Variants in SLC25A13 observed in about 807,000 individuals in gnomAD.
SLC25A13 encodes the protein solute carrier family 25 member 13, also known as electrogenic aspartate/glutamate antiporter SLC25A13, mitochondrial.
In SLC25A13, 70 loss-of-function variants were observed where a neutral mutation model predicts 85.5. The ratio of observed to expected loss-of-function variants is 0.82; its 90% CI spans 0.68 to 1.00. The LOEUF is 1.00. SLC25A13 is among the 50% of genes least tolerant of loss of function. The pLI is 0.00. For missense variants in SLC25A13, 765 were observed against 819.8 expected (o/e 0.93, Z 0.82); for synonymous variants, 259 against 288.7 (o/e 0.90, Z 1.04).
rs75250562 is a variant in SLC25A13, at chr7:96,198,828, T to C, written c.469-5645A>G. 8.0e-3 allele frequency among the ~76,000 whole-genome samples: 1,221 copies of C among 152,262 alleles called. 20 individuals carry two copies. The highest frequency in any genetic ancestry group is 0.028 in the African/African-American group (1,178 of 41,548). On this transcript the variant is annotated intron_variant, in intron 5 of 17. Coordinates refer to ENST00000265631, the MANE Select transcript of SLC25A13 (RefSeq NM_014251.3). ...TCTCAAAAATCCACATTTTGAATGATGGGGAAGATACTCTACCACAAAGGA... is the reference window on the plus strand; with the variant it reads ...TCTCAAAAATCCACATTTTGAATGACGGGGAAGATACTCTACCACAAAGGA...
intron 5 of SLC25A13, among the ~76,000 whole-genome samples, chr7:96,204,948 G>A (rs753397608): frequency 4.6e-5 from 7 of 152,014 alleles, no homozygotes; most frequent in Non-Finnish European, 5.9e-5. Context: ...TTGCTCTGTT[G>A]CTCAGGCTGG....
At chr7:96,281,604 G>C (rs1453218864) in intron 2 of SLC25A13, among the ~76,000 whole-genome samples, 1 of 152,050 alleles carries the variant, frequency 6.6e-6, no homozygotes, top group Non-Finnish European at 1.5e-5. Flanking sequence ...TGATCAGAAG[G>C]GGCATCAGAG....
chr7:96,228,619 G>A (rs1177969798), intron 4 of SLC25A13, among the ~76,000 whole-genome samples: 1 of 152,200 alleles, frequency 6.6e-6, no homozygotes, highest in Non-Finnish European at 1.5e-5. Context: ...CACACTTGAG[G>A]AGCCCTTCAG....
chr7:96,138,488 T>C (rs1792386008), intron 14 of SLC25A13, among the ~76,000 whole-genome samples: 1 of 151,360 alleles, frequency 6.6e-6, no homozygotes, highest in South Asian at 2.1e-4. Flanking sequence ...CTTGACCCCC[T>C]GGGCTCAAGT....
chr7:96,281,686 G>A (rs1053046807), intron 2 of SLC25A13, among the ~76,000 whole-genome samples: 1 of 152,134 alleles, frequency 6.6e-6, no homozygotes, highest in Non-Finnish European at 1.5e-5. Context: ...TGTGATGTAT[G>A]CATTCAATTT....
chr7:96,219,760 C>T, intron 4 of SLC25A13: 1 of 534,004 alleles, frequency 1.9e-6, no homozygotes, highest in Non-Finnish European at 3.8e-6. Flanking sequence ...GATAAGACTC[C>T]CTCCTCCTCT....
intron 4 of SLC25A13, among the ~76,000 whole-genome samples, chr7:96,231,055 GA>G (rs1335970828): frequency 2.6e-5 from 4 of 152,124 alleles, no homozygotes; most frequent in Non-Finnish European, 4.4e-5. Flanking sequence ...AGGTTGCAGT[GA>G]GCCGAGATCA....
intron 2 of SLC25A13, among the ~76,000 whole-genome samples, chr7:96,279,478 C>T (rs1798584624): frequency 1.3e-5 from 2 of 152,168 alleles, no homozygotes; most frequent in Admixed American, 1.3e-4. Context: ...AGCAAAGTCA[C>T]ATCTTAACAT....
At chr7:96,259,904 G>A (rs1229011127) in intron 3 of SLC25A13, among the ~76,000 whole-genome samples, 1 of 152,068 alleles carries the variant, frequency 6.6e-6, no homozygotes, top group Non-Finnish European at 1.5e-5. Context: ...GTCCTTTGCA[G>A]GGACATGGAT....
chr7:96,297,784 T>TAA (rs1386714647), intron 1 of SLC25A13, among the ~76,000 whole-genome samples: 1 of 152,222 alleles, frequency 6.6e-6, no homozygotes, highest in Non-Finnish European at 1.5e-5. Context: ...AGTTTTTAAT[T>TAA]AATAAATCAT....
chr7:96,169,319 TA>T (rs1028705004), intron 13 of SLC25A13, among the ~76,000 whole-genome samples: 8 of 151,990 alleles, frequency 5.3e-5, no homozygotes, highest in Admixed American at 6.6e-5. Flanking sequence ...TAGGTTCGGA[TA>T]AAAAAAACCA....
chr7:96,312,237 T>C (rs1799975911), intron 1 of SLC25A13, among the ~76,000 whole-genome samples: 2 of 152,180 alleles, frequency 1.3e-5, no homozygotes, highest in African/African-American at 4.8e-5. Flanking sequence ...GTAATCTCTC[T>C]GTACCTCAAA....
intron 3 of SLC25A13, among the ~76,000 whole-genome samples, chr7:96,259,284 A>G (rs1797756934): frequency 6.6e-6 from 1 of 152,220 alleles, no homozygotes; most frequent in Admixed American, 6.5e-5. Flanking sequence ...CAACCTACAG[A>G]ATGGGAGAAA....
chr7:96,207,956 C>T (rs1007096203), intron 5 of SLC25A13, among the ~76,000 whole-genome samples: 1 of 151,796 alleles, frequency 6.6e-6, no homozygotes, highest in Non-Finnish European at 1.5e-5. Context: ...CTTTAAATAG[C>T]CCTCAAATAC....
Position 96,212,357 on chromosome 7 carries a change from G to A in SLC25A13, c.329-3380C>T, listed in dbSNP as rs148395407. On this transcript the variant is annotated intron_variant, in intron 4 of 17. Coordinates refer to ENST00000265631, the MANE Select transcript of SLC25A13 (RefSeq NM_014251.3). ...ACTAGGTCCTGTGGGAAGAGGAAGG[G>A]TAGTAAAAGGTATGAGGCTACATCC... Among the ~76,000 whole-genome samples, 7 of 152,312 alleles carry A rather than the reference G, an allele frequency of 4.6e-5. No homozygotes were observed. The East Asian group carries it at 1.4e-3, about 29-fold the overall frequency.
chr7:96,127,419 G>C (rs1291777111), intron 15 of SLC25A13, among the ~76,000 whole-genome samples: 1 of 152,026 alleles, frequency 6.6e-6, no homozygotes, highest in African/African-American at 2.4e-5. Context: ...TATAGTCCCA[G>C]TTTATAACTA....
Position 96,167,109 on chromosome 7 carries a change from T to C in SLC25A13, c.1311+2936A>G, listed in dbSNP as rs1793786014. The C allele has an allele frequency of 2.0e-5, 3 of 152,228 alleles. No individual in the cohort carries two copies. The South Asian group carries it at 6.2e-4, about 31-fold the overall frequency. The allele number at this position is 152,228 out of a possible 1,614,324, so 9.4% of individuals were successfully genotyped here. The stretch of plus-strand genomic sequence containing the variant: ...TAAAACATGCTGAATATATCACTAC[T>C]GTTAAAGTGTGAATCTATAAAAATG... On this transcript the variant is annotated intron_variant, in intron 13 of 17. Transcript: ENST00000265631.
At chr7:96,163,924 G>A (rs1490396348) in intron 13 of SLC25A13, among the ~76,000 whole-genome samples, 1 of 152,016 alleles carries the variant, frequency 6.6e-6, no homozygotes, top group Non-Finnish European at 1.5e-5. Context: ...TATATTAGAA[G>A]TTAAAAAGTA....
chr7:96,200,387 C>T (rs962431667), intron 5 of SLC25A13, among the ~76,000 whole-genome samples: 1 of 152,078 alleles, frequency 6.6e-6, no homozygotes, highest in Non-Finnish European at 1.5e-5. Context: ...TATAAATATC[C>T]ACTTTATTTT....
Sources: allele counts gnomAD v4.1 joint callset (sites outside exome capture counted in the v4.1 genomes callset), GRCh38; gene constraint gnomAD v4.1.1; transcripts MANE v1.5; gene names NCBI Gene and HGNC (gene_info 2026-07-23, HGNC 2026-07-21).